RNF166: variants seen among roughly 807,000 people sequenced by gnomAD.
RNF166 encodes ring finger protein 166.
A neutral mutation model predicts 29.4 loss-of-function variants in RNF166; 19 were observed. The observed-to-expected ratio is 0.65, with a 90% CI of 0.45 to 0.95. RNF166 has a LOEUF of 0.95. Among genes scored for constraint, RNF166 ranks in the 40% least tolerant of loss-of-function variants. The pLI is 0.00. For synonymous variants in RNF166, 171 were observed against 134.5 expected (o/e 1.27, Z -1.88); for missense variants, 347 against 322.1 (o/e 1.08, Z -0.59).
At chr16:88,701,468 A>AC (rs1484164032) in intron 1 of RNF166, 50 bp from the exon 2 acceptor site, 1 of 1,494,822 alleles carries the variant, frequency 6.7e-7, no homozygotes, top group Non-Finnish European at 8.9e-7. Flanking sequence ...GGTCTCCCGA[A>AC]CCGCAGGCCT....
In RNF166 at chr16:88,706,270, C is replaced by T. The variant is rs1367845650; in HGVS notation, c.56G>A (p.Gly19Glu). Reference sequence around the variant, plus strand: ...CAGGCCGCTGTCGCCGCCCGCCGGCCCGGCCGGCGGCTGCCGCTGCTGAGC... The same window carrying T: ...CAGGCCGCTGTCGCCGCCCGCCGGCTCGGCCGGCGGCTGCCGCTGCTGAGC... ...ASAQQRQPPA[G>E]PAGGDSGLEA... is the part of the protein sequence containing the mutation. The change falls in exon 1 of 6, where the codon GGG (glycine) becomes GAG (glutamate). Residue 19 changes from glycine to glutamate, a missense_variant. Physicochemically the swap from Gly to Glu is moderately conservative, Grantham distance 98. Coordinates refer to ENST00000312838, the MANE Select transcript of RNF166 (RefSeq NM_178841.4). 7.7e-7 allele frequency: 1 copy of T among 1,302,218 alleles called. No individual in the cohort carries two copies. The allele number at this position is 1,302,218 out of a possible 1,614,324, so 80.7% of individuals were successfully genotyped here.
chr16:88,698,289 G>A, intron 5 of RNF166: 1 of 701,818 alleles, frequency 1.4e-6, no homozygotes, highest in Non-Finnish European at 2.6e-6. Context: ...CGAGAGGCCT[G>A]GGCACCCTCT....
At position 88,696,879 on chromosome 16, in the gene RNF166, C is replaced by A; in HGVS notation, c.*689G>T. On this transcript the variant is annotated 3_prime_UTR_variant, in exon 6 of 6. Coordinates refer to ENST00000312838, the MANE Select transcript of RNF166 (RefSeq NM_178841.4). Reference sequence around the variant, plus strand: ...GCAGACCCCACAGCAGACCCCATGGCTCGCCTGAGCTCTGGCAGCTGCCCC... The same window carrying A: ...GCAGACCCCACAGCAGACCCCATGGATCGCCTGAGCTCTGGCAGCTGCCCC... The A allele has an allele frequency of 4.0e-6, 1 of 250,210 alleles. No homozygotes were observed. The highest frequency in any genetic ancestry group is 7.9e-6 in the Non-Finnish European group (1 of 126,192). 15.5% of individuals were successfully genotyped at this position (250,210 alleles called of 1,614,324 possible).
intron 1 of RNF166, chr16:88,704,004 T>C (rs1910525419): frequency 2.0e-6 from 2 of 985,470 alleles, no homozygotes; most frequent in East Asian, 1.1e-4. Context: ...CTGCTCAGAC[T>C]GTCCCCTGGC....
chr16:88,705,847 C>T (rs1411279431), intron 1 of RNF166, among the ~76,000 whole-genome samples: 3 of 152,230 alleles, frequency 2.0e-5, no homozygotes, highest in Admixed American at 6.5e-5. Context: ...GTGGCACCTG[C>T]TGCCCTCTGA....
At chr16:88,704,617 C>T in intron 1 of RNF166, 3 of 945,450 alleles carry the variant, frequency 3.2e-6, no homozygotes, top group Non-Finnish European at 3.8e-6. Flanking sequence ...TAAAACAAGG[C>T]CTAAGTCAAG....
intron 1 of RNF166, chr16:88,702,748 T>G: frequency 1.0e-6 from 1 of 985,006 alleles, no homozygotes; most frequent in Non-Finnish European, 1.2e-6. Context: ...TTCTGCAGAG[T>G]AAAGAGGTCG....
intron 5 of RNF166, chr16:88,698,264 T>G: frequency 1.4e-6 from 1 of 692,392 alleles, no homozygotes. Flanking sequence ...ACCTGCCCTG[T>G]GCGGTCCATG....
intron 1 of RNF166, 28 bp from the exon 2 acceptor site, chr16:88,701,446 G>A (rs768263640): frequency 2.7e-5 from 41 of 1,515,800 alleles, no homozygotes; most frequent in Non-Finnish European, 3.3e-5. Flanking sequence ...CTGAGTGCCA[G>A]CCCGCCCCTC....
At chr16:88,699,150 T>C in intron 3 of RNF166, 65 bp from the exon 4 acceptor site, 1 of 1,149,512 alleles carries the variant, frequency 8.7e-7, no homozygotes, top group Non-Finnish European at 1.3e-6. Context: ...TCCCCGCTTC[T>C]CTCAAACACA....
At chr16:88,700,486 G>T (rs1050696187) in intron 2 of RNF166, 3 of 521,626 alleles carry the variant, frequency 5.8e-6, no homozygotes, top group Admixed American at 6.4e-5. Context: ...CTGGAGTCCA[G>T]GGCAGCCCCT....
chr16:88,702,442 T>C (rs926345193), intron 1 of RNF166, among the ~76,000 whole-genome samples: 7 of 152,196 alleles, frequency 4.6e-5, no homozygotes, highest in Non-Finnish European at 8.8e-5. Context: ...AGAGGGGCTG[T>C]GGGCAGGCCC....
chr16:88,699,811 TC>T, intron 2 of RNF166, 79 bp from the exon 3 acceptor site: 1 of 980,490 alleles, frequency 1.0e-6, no homozygotes, highest in Non-Finnish European at 1.5e-6. Context: ...ACCTCAGGTG[TC>T]CAGGACCAGA....
intron 1 of RNF166, among the ~76,000 whole-genome samples, chr16:88,705,436 G>A (rs899768821): frequency 6.6e-6 from 1 of 152,200 alleles, no homozygotes; most frequent in Non-Finnish European, 1.5e-5. Context: ...CACTGATCTA[G>A]GCTTCCTCCC....
rs570296991 is a variant in RNF166 at position 88,699,748 on chromosome 16, G to A, written c.313-16C>T. 19 of 1,599,030 alleles carry A rather than the reference G, an allele frequency of 1.2e-5. No homozygotes were observed. The South Asian group carries it at 1.7e-4, about 14-fold the overall frequency. ...CCAGGGTCACCTAGGAGACAGGGCA[G>A]GGAGGGCAAGGCGGTCCTGAGAATC... On this transcript the variant is annotated splice_polypyrimidine_tract_variant and intron_variant, in intron 2 of 5. Coordinates refer to ENST00000312838, the MANE Select transcript of RNF166 (RefSeq NM_178841.4).
At position 88,700,876 on chromosome 16, in the gene RNF166, T is replaced by C. The variant is rs755424933; in HGVS notation, c.312+386A>G. On this transcript the variant is annotated intron_variant, in intron 2 of 5. Transcript: ENST00000312838. ...CTCGGCCCTTAGATGTCCTTGACTG[T>C]GCCCGCGGCCCTTGTGACCTTGGAG... The C allele has an allele frequency of 8.8e-4, 988 of 1,121,330 alleles. 1 individual carries two copies. Among genetic ancestry groups the C allele is most frequent in the Non-Finnish European group, 1.0e-3 (955 of 910,170 alleles). 69.5% of individuals were successfully genotyped at this position (1,121,330 alleles called of 1,614,324 possible). A position where few individuals can be genotyped will look rare whatever the true frequency, so the allele number is the denominator to read the frequency against.
intron 1 of RNF166, chr16:88,704,169 C>A (rs877578): frequency 0.1 from 101,516 of 985,416 alleles, 5,442 homozygotes; most frequent in Middle Eastern, 0.13. Flanking sequence ...CAGAACCAGA[C>A]CAGCAACAAA....
chr16:88,698,878 C>G (rs1453291430), intron 4 of RNF166, 93 bp downstream of exon 4: 1 of 1,040,578 alleles, frequency 9.6e-7, no homozygotes, highest in African/African-American at 1.6e-5. Context: ...GCCTGGGCAC[C>G]CCCGGACTCG....
Position 88,699,042 on chromosome 16 carries a change from C to T in RNF166, c.469G>A (p.Ala157Thr), listed in dbSNP as rs140521926. ...AGCTCCTGCTGGTCCAGGTTGCGGG[C>T]ACCACAGTACGGGCAGGCGAAGGTG... is the stretch of plus-strand genomic sequence containing the variant. ...RSTFACPYCGARNLDQQELVK... is the reference protein window; with the variant it reads ...RSTFACPYCGTRNLDQQELVK... Residue 157 changes from alanine (A) to threonine (T), a missense_variant, in exon 4 of 6, where the codon GCC becomes ACC. Physicochemically the swap from Ala to Thr is moderately conservative, Grantham distance 58 (BLOSUM62 0). Transcript: ENST00000312838. 75 of 1,611,132 alleles carry T rather than the reference C, an allele frequency of 4.7e-5. 2 individuals carry two copies. The East Asian group carries it at 1.7e-3, about 35-fold the overall frequency.
Sources: allele counts gnomAD v4.1 joint callset (sites outside exome capture counted in the v4.1 genomes callset), GRCh38; gene constraint gnomAD v4.1.1; transcripts MANE v1.5; gene names NCBI Gene and HGNC (gene_info 2026-07-23, HGNC 2026-07-21).